SEMA6D: variants seen among roughly 807,000 people sequenced by gnomAD.
The protein encoded by SEMA6D is semaphorin 6D.
Under a neutral mutation model 106.6 loss-of-function variants are expected in SEMA6D, and 35 were observed. That is an observed-to-expected ratio of 0.33 (90% CI 0.25 to 0.44). The LOEUF is 0.44. SEMA6D is among the 20% of genes least tolerant of loss of function. The pLI, the probability that SEMA6D is intolerant of heterozygous loss-of-function variation, is 1.00. For synonymous variants in SEMA6D, 499 were observed against 487.7 expected (o/e 1.02, Z -0.31); for missense variants, 1,185 against 1,345.9 (o/e 0.88, Z 1.87).
At chr15:47,714,752 G>T (rs145643557), upstream of SEMA6D, among the ~76,000 whole-genome samples, 1 of 152,254 alleles carries the variant, frequency 6.6e-6, no homozygotes, top group East Asian at 1.9e-4. Context: ...TCCTGGGGAC[G>T]CAGGATGAAT....
chr15:47,455,603 C>A (rs1047603709), intron 2 of SEMA6D, among the ~76,000 whole-genome samples: 1 of 151,894 alleles, frequency 6.6e-6, no homozygotes, highest in African/African-American at 2.4e-5. Context: ...AAATACGCAT[C>A]CTAAGCCTCC....
At chr15:47,515,614 T>C (rs1566848443) in intron 3 of SEMA6D, among the ~76,000 whole-genome samples, 1 of 152,124 alleles carries the variant, frequency 6.6e-6, no homozygotes, top group Non-Finnish European at 1.5e-5. Context: ...AAGTACAAAG[T>C]TCTGAAAGAA....
intron 1 of SEMA6D, among the ~76,000 whole-genome samples, chr15:47,224,119 G>A (rs1485682921): frequency 6.6e-6 from 1 of 150,678 alleles, no homozygotes; most frequent in East Asian, 2.0e-4. Context: ...TAAGTAACCT[G>A]CACAATGTGC....
chr15:47,269,090 A>G (rs1379979630), intron 1 of SEMA6D, among the ~76,000 whole-genome samples: 1 of 152,096 alleles, frequency 6.6e-6, no homozygotes, highest in African/African-American at 2.4e-5. Flanking sequence ...GCCATTTTAT[A>G]TATGATTCTG....
intron 3 of SEMA6D, among the ~76,000 whole-genome samples, chr15:47,515,733 A>T (rs2044367012): frequency 6.6e-6 from 1 of 152,162 alleles, no homozygotes. Flanking sequence ...CATCTTCTTA[A>T]AATATGATCT....
intron 1 of SEMA6D, among the ~76,000 whole-genome samples, chr15:47,217,952 C>T (rs909374769): frequency 1.3e-5 from 2 of 151,208 alleles, no homozygotes; most frequent in Non-Finnish European, 2.9e-5. Context: ...GGCTCCTCTC[C>T]GCTATAAGGA....
intron 1 of SEMA6D, among the ~76,000 whole-genome samples, chr15:47,212,633 G>A (rs923931715): frequency 6.6e-6 from 1 of 152,128 alleles, no homozygotes; most frequent in African/African-American, 2.4e-5. Flanking sequence ...AGTCTATACT[G>A]TTTCTCAAAG....
intron 1 of SEMA6D, among the ~76,000 whole-genome samples, chr15:47,405,926 TA>T (rs1181949444): frequency 1.3e-5 from 2 of 152,180 alleles, no homozygotes; most frequent in African/African-American, 4.8e-5. Flanking sequence ...ACATTATGCA[TA>T]TGTATGCAGA....
rs766691660 is a variant in SEMA6D, at chr15:47,764,010, T to C, written c.908T>C (p.Ile303Thr). Residue 303 changes from isoleucine (I) to threonine (T), a missense_variant, in exon 10 of 19, where the codon ATA becomes ACA. Physicochemically the swap from Ile to Thr is moderately conservative, Grantham distance 89 (BLOSUM62 -1). Coordinates refer to ENST00000536845, the MANE Select transcript of SEMA6D (RefSeq NM_001358351.3). ...YFDVLQSITD[I>T]IQINGIPTVV... ...GATGTTCTGCAGTCTATTACAGACA[T>C]AATACAAATCAATGGCATCCCCACT... 9 of 1,613,950 alleles carry C rather than the reference T, an allele frequency of 5.6e-6. No individual in the cohort carries two copies. In the Admixed American group the frequency reaches 1.5e-4, roughly 27 times the overall value.
intron 4 of SEMA6D, among the ~76,000 whole-genome samples, chr15:47,690,312 G>A (rs2078558140): frequency 6.6e-6 from 1 of 151,910 alleles, no homozygotes; most frequent in East Asian, 1.9e-4. Context: ...GAATAAAGAT[G>A]GGAAAGGAAT....
Position 47,689,637 on chromosome 15 carries a change from A to G in SEMA6D, c.-54-70108A>G, listed in dbSNP as rs2078542318. Among the ~76,000 whole-genome samples, 3 of 152,254 alleles carry G rather than the reference A, an allele frequency of 2.0e-5. No individual in the cohort carries two copies. The South Asian group carries it at 6.2e-4, about 31-fold the overall frequency. On this transcript the variant is annotated intron_variant, in intron 4 of 19. Coordinates refer to the SEMA6D transcript ENST00000558014. Reference sequence around the variant, plus strand: ...CAGAGCCTTTAACAAAGAGCCCCAGACAACCTAAAGGCTCTAACAAGGAGA... The same window carrying G: ...CAGAGCCTTTAACAAAGAGCCCCAGGCAACCTAAAGGCTCTAACAAGGAGA...
intron 1 of SEMA6D, among the ~76,000 whole-genome samples, chr15:47,751,037 C>G (rs894494053): frequency 2.6e-5 from 4 of 152,158 alleles, no homozygotes; most frequent in African/African-American, 9.7e-5. Flanking sequence ...ACTTCGGGGT[C>G]TCCTGGAATC....
chr15:47,577,641 A>G (rs1253737016), intron 3 of SEMA6D, among the ~76,000 whole-genome samples: 1 of 152,186 alleles, frequency 6.6e-6, no homozygotes, highest in Non-Finnish European at 1.5e-5. Context: ...GGATGGTGGG[A>G]GTAGGCAGGG....
At chr15:47,666,937 G>C (rs2078037394) in intron 4 of SEMA6D, among the ~76,000 whole-genome samples, 2 of 152,166 alleles carry the variant, frequency 1.3e-5, no homozygotes, top group Admixed American at 1.3e-4. Context: ...GAGTGCCCAA[G>C]CCACATGGAG....
At chr15:47,740,674 A>G (rs1484604786) in intron 1 of SEMA6D, among the ~76,000 whole-genome samples, 2 of 152,208 alleles carry the variant, frequency 1.3e-5, no homozygotes, top group African/African-American at 4.8e-5. Flanking sequence ...TGAAGGGCCC[A>G]GGAGCCAAAG....
chr15:47,402,496 G>A (rs1441501907), intron 1 of SEMA6D, among the ~76,000 whole-genome samples: 4 of 152,196 alleles, frequency 2.6e-5, no homozygotes, highest in African/African-American at 7.2e-5. Context: ...AATAGGGCTA[G>A]CAGTCTTCTC....
intron 4 of SEMA6D, among the ~76,000 whole-genome samples, chr15:47,625,031 C>T (rs6493286): frequency 0.29 from 43,384 of 152,016 alleles, 7,205 homozygotes; most frequent in East Asian, 0.45. Context: ...TCAATTTTTA[C>T]AATACGTTAC....
chr15:47,555,848 T>C (rs927958745), intron 3 of SEMA6D, among the ~76,000 whole-genome samples: 1 of 152,154 alleles, frequency 6.6e-6, no homozygotes, highest in African/African-American at 2.4e-5. Flanking sequence ...ATATAGATAC[T>C]TTCCTGATAG....
chr15:47,328,084 T>A (rs1018443061), intron 1 of SEMA6D, among the ~76,000 whole-genome samples: 3 of 152,168 alleles, frequency 2.0e-5, no homozygotes, highest in African/African-American at 7.2e-5. Flanking sequence ...CTCCAGAGTG[T>A]TGATCTTGGC....
Sources: gnomAD v4.1 joint callset for allele counts (sites outside exome capture counted in the v4.1 genomes callset) on GRCh38, gnomAD v4.1.1 for gene constraint, MANE v1.5 for transcripts, NCBI Gene and HGNC (gene_info 2026-07-23, HGNC 2026-07-21) for gene names.